The following ANXA13 variants were observed in gnomAD, a reference collection of about 807,000 sequenced individuals.
ANXA13 encodes annexin A13.
ANXA13 carries 36 observed loss-of-function variants against 46.6 expected under a neutral mutation model. That is an observed-to-expected ratio of 0.77 (90% CI 0.59 to 1.02). The LOEUF is 1.02. Among genes scored for constraint, ANXA13 ranks in the 50% least tolerant of loss-of-function variants. The pLI is 0.00. For synonymous variants in ANXA13, 163 were observed against 152.9 expected (o/e 1.07, Z -0.49); for missense variants, 417 against 396.5 (o/e 1.05, Z -0.44).
intron 2 of ANXA13, among the ~76,000 whole-genome samples, chr8:123,707,128 T>C (rs774654901): frequency 3.3e-5 from 5 of 152,264 alleles, no homozygotes; most frequent in Non-Finnish European, 5.9e-5. Context: ...TGTCAGTATT[T>C]ATCAGATGAC....
At chr8:123,689,902 T>G (rs1315992682) in intron 8 of ANXA13, among the ~76,000 whole-genome samples, 3 of 152,232 alleles carry the variant, frequency 2.0e-5, no homozygotes, top group Admixed American at 6.5e-5. Context: ...GTGGTTTATT[T>G]TGAAAACACA....
intron 8 of ANXA13, among the ~76,000 whole-genome samples, chr8:123,689,715 G>A (rs536580157): frequency 1.3e-5 from 2 of 152,212 alleles, no homozygotes; most frequent in South Asian, 2.1e-4. Flanking sequence ...AATACTGCCC[G>A]GGCCAAGCTC....
intron 1 of ANXA13, among the ~76,000 whole-genome samples, chr8:123,737,104 G>A (rs1002388780): frequency 6.0e-5 from 9 of 150,796 alleles, no homozygotes; most frequent in Non-Finnish European, 8.8e-5. Flanking sequence ...CAAGTAATCC[G>A]CCCACTCTGG....
chr8:123,717,794 T>C (rs929264061), intron 1 of ANXA13, among the ~76,000 whole-genome samples: 14 of 152,158 alleles, frequency 9.2e-5, no homozygotes, highest in African/African-American at 3.4e-4. Context: ...TGACGGGGCG[T>C]GTCTCAGCAG....
chr8:123,699,264 C>T (rs1156547079), intron 3 of ANXA13, among the ~76,000 whole-genome samples: 2 of 152,124 alleles, frequency 1.3e-5, no homozygotes, highest in East Asian at 1.9e-4. Context: ...ACTGCAGCCT[C>T]GACCTCCTGG....
chr8:123,702,824 C>A, intron 2 of ANXA13, 88 bp from the exon 3 acceptor site: 1 of 1,235,882 alleles, frequency 8.1e-7, no homozygotes, highest in Middle Eastern at 1.9e-4. Flanking sequence ...AGCCAGGACT[C>A]ACAGCTTAAA....
Position 123,701,203 on chromosome 8 carries a change from G to A in ANXA13, c.186+1439C>T, listed in dbSNP as rs190805724. On this transcript the variant is annotated intron_variant, in intron 3 of 10. Transcript: ENST00000419625. The stretch of plus-strand genomic sequence containing the variant: ...AAAAATTCAGCTTCAGGCCAGGCAC[G>A]GTGGCTCACACCTGTAATCCTGGCA... Among the ~76,000 whole-genome samples, 23 of 152,270 alleles carry A rather than the reference G, an allele frequency of 1.5e-4. 1 individual carries two copies. The East Asian group carries it at 1.6e-3, about 10-fold the overall frequency.
At chr8:123,711,828 T>C (rs1207686625) in intron 2 of ANXA13, 3 of 152,314 alleles carry the variant, frequency 2.0e-5, no homozygotes, top group African/African-American at 7.2e-5. Context: ...TTGGCCAGGA[T>C]GGTTTCCATC....
Position 123,698,506 on chromosome 8 carries a change from C to G in ANXA13, c.240G>C (p.Ala80=). The change falls in exon 4 of 11, where the codon GCG becomes GCC. Residue 80 remains alanine (A), a synonymous_variant. Coordinates refer to ENST00000419625, the MANE Select transcript of ANXA13 (RefSeq NM_004306.4). ...SELSGNFEKT[A]LALLDRPSEY... ...CGCTGGGACGGTCCAGAAGGGCCAA[C>G]GCTGTCTTCTCGAAGTTTCCACTCA... 1 of 1,614,228 alleles carries G rather than the reference C, an allele frequency of 6.2e-7. No individual in the cohort carries two copies. The highest frequency in any genetic ancestry group is 2.2e-5 in the East Asian group (1 of 44,874).
At chr8:123,698,266 A>T in intron 4 of ANXA13, 123 bp downstream of exon 4, 1 of 1,056,770 alleles carries the variant, frequency 9.5e-7, no homozygotes, top group Non-Finnish European at 1.4e-6. Flanking sequence ...AAGCACACAT[A>T]TGTCTCCCCA....
In ANXA13 at chr8:123,680,898, G is replaced by A. The variant is rs529277552; in HGVS notation, c.*342C>T. Reference sequence around the variant, plus strand: ...ATTTTGTCTTTCCTGTACCTTACTTGTGTGATGCATATCCTTCTAAATGTG... The same window carrying A: ...ATTTTGTCTTTCCTGTACCTTACTTATGTGATGCATATCCTTCTAAATGTG... On this transcript the variant is annotated 3_prime_UTR_variant, in exon 11 of 11. Transcript: ENST00000419625. 1 of 198,834 alleles carries A rather than the reference G, an allele frequency of 5.0e-6. No homozygotes were observed. Among genetic ancestry groups the A allele is most frequent in the Non-Finnish European group, 1.0e-5 (1 of 97,990 alleles). The allele number at this position is 198,834 out of a possible 1,614,324, so 12.3% of individuals were successfully genotyped here.
intron 1 of ANXA13, among the ~76,000 whole-genome samples, chr8:123,713,368 T>A (rs1813699262): frequency 6.6e-6 from 1 of 152,244 alleles, no homozygotes; most frequent in African/African-American, 2.4e-5. Flanking sequence ...ATACATGCAC[T>A]ATTGCATCCA....
At chr8:123,718,241 A>T (rs1813796883) in intron 1 of ANXA13, among the ~76,000 whole-genome samples, 1 of 152,236 alleles carries the variant, frequency 6.6e-6, no homozygotes. Context: ...TTGAAGGCAA[A>T]TCAGCAATAA....
intron 8 of ANXA13, among the ~76,000 whole-genome samples, chr8:123,691,991 ACAAGAGAC>A (rs1813251665): frequency 6.6e-6 from 1 of 152,212 alleles, no homozygotes; most frequent in Non-Finnish European, 1.5e-5. Context: ...AGCTCCAGGA[ACAAGAGAC>A]CAGGGGAGTG....
rs1286973147 is a variant in ANXA13, at chr8:123,688,916, C to T, written c.673G>A (p.Glu225Lys). The T allele has an allele frequency of 6.2e-7, 1 of 1,613,954 alleles. No individual in the cohort carries two copies. Among genetic ancestry groups the T allele is most frequent in the Admixed American group, 1.7e-5 (1 of 60,008 alleles). Residue 225 changes from glutamate to lysine, a missense_variant, in exon 9 of 11, where the codon GAA (glutamate) becomes AAA (lysine). By Grantham distance (56) the Glu-to-Lys change is moderately conservative (BLOSUM62 1). Transcript: ENST00000419625. ...TGCAAGTCGCCTGATGTTTCTTCTT[C>T]AATGGCTTCTTCTATGTCTTTGCCA... Reference protein sequence around the residue: ...LIGKDIEEAIEEETSGDLQKA... With the variant: ...LIGKDIEEAIKEETSGDLQKA...
Position 123,712,615 on chromosome 8 carries a change from T to A in ANXA13, c.91+63A>T. The A allele has an allele frequency of 2.8e-6, 4 of 1,406,804 alleles. No individual in the cohort carries two copies. In the South Asian group the frequency reaches 4.6e-5, roughly 16 times the overall value. 87.1% of individuals were successfully genotyped at this position (1,406,804 alleles called of 1,614,324 possible). Reference sequence around the variant, plus strand: ...TCAGCTTCCTAACATCATGGGGAAGTTGGACATGAGACCAAGTTTAATCAA... The same window carrying A: ...TCAGCTTCCTAACATCATGGGGAAGATGGACATGAGACCAAGTTTAATCAA... On this transcript the variant is annotated intron_variant, in intron 2 of 10. Coordinates refer to ENST00000419625, the MANE Select transcript of ANXA13 (RefSeq NM_004306.4).
chr8:123,727,500 G>A (rs574022579), intron 1 of ANXA13, among the ~76,000 whole-genome samples: 2 of 152,026 alleles, frequency 1.3e-5, no homozygotes, highest in South Asian at 4.2e-4. Flanking sequence ...AGCGATTTTT[G>A]TCTCCCAGGA....
Position 123,712,559 on chromosome 8 carries a change from G to A in ANXA13, c.91+119C>T, listed in dbSNP as rs148949289. The A allele has an allele frequency of 2.8e-4, 252 of 888,556 alleles. No homozygotes were observed. In the African/African-American group the frequency reaches 2.9e-3, roughly 10 times the overall value. 55.0% of individuals were successfully genotyped at this position (888,556 alleles called of 1,614,324 possible). On this transcript the variant is annotated intron_variant, in intron 2 of 10. Transcript: ENST00000419625. The stretch of plus-strand genomic sequence containing the variant: ...AGGTTAGTGGAAGTGATTGACTTGC[G>A]TTAGCTCGGAATACACAAGATAGTG...
chr8:123,713,145 T>C (rs1316830182), intron 1 of ANXA13, among the ~76,000 whole-genome samples: 1 of 152,240 alleles, frequency 6.6e-6, no homozygotes, highest in Non-Finnish European at 1.5e-5. Context: ...GTCTAAGGAA[T>C]AGGTCAGAGG....
Sources: gnomAD v4.1 joint callset for allele counts (sites outside exome capture counted in the v4.1 genomes callset) on GRCh38, gnomAD v4.1.1 for gene constraint, MANE v1.5 for transcripts, NCBI Gene and HGNC (gene_info 2026-07-23, HGNC 2026-07-21) for gene names.